Variants in SUCLG2 observed in about 807,000 individuals in gnomAD.
SUCLG2 encodes succinate--CoA ligase [GDP-forming] subunit beta, mitochondrial.
Under a neutral mutation model 47.9 loss-of-function variants are expected in SUCLG2, and 42 were observed. That is an observed-to-expected ratio of 0.88 (90% CI 0.69 to 1.14). SUCLG2 has a LOEUF of 1.14. Ranked by LOEUF, SUCLG2 falls within the 50% of genes most tolerant of loss-of-function variation. SUCLG2 has a pLI of 0.00. For synonymous variants in SUCLG2, 195 were observed against 197.3 expected (o/e 0.99, Z 0.10); for missense variants, 571 against 525.9 (o/e 1.09, Z -0.84).
chr3:67,626,646 T>G (rs1015085870), intron 1 of SUCLG2, among the ~76,000 whole-genome samples: 5 of 152,100 alleles, frequency 3.3e-5, no homozygotes, highest in East Asian at 1.9e-4. Context: ...CGGGTGCAGT[T>G]GCTCACGCCT....
At chr3:67,501,988 G>A (rs1705506232) in intron 7 of SUCLG2, among the ~76,000 whole-genome samples, 1 of 152,172 alleles carries the variant, frequency 6.6e-6, no homozygotes, top group Admixed American at 6.5e-5. Flanking sequence ...AGCCATTCTA[G>A]TAAATGATGG....
intron 9 of SUCLG2, among the ~76,000 whole-genome samples, chr3:67,410,643 A>C (rs2106835656): frequency 6.6e-6 from 1 of 152,302 alleles, no homozygotes; most frequent in Admixed American, 6.5e-5. Context: ...TCATGCAAAA[A>C]CTACCATAAT....
chr3:67,366,893 T>A (rs999382548), intron 10 of SUCLG2, among the ~76,000 whole-genome samples: 1 of 152,116 alleles, frequency 6.6e-6, no homozygotes, highest in Non-Finnish European at 1.5e-5. Context: ...TTCACCCCCA[T>A]GAAACACCTC....
intron 10 of SUCLG2, among the ~76,000 whole-genome samples, chr3:67,362,229 G>T (rs892568878): frequency 2.0e-5 from 3 of 152,148 alleles, no homozygotes; most frequent in African/African-American, 7.2e-5. Context: ...CTATTTAAGA[G>T]AACTTTTCAT....
At chr3:67,616,078 C>T (rs1028962973) in intron 1 of SUCLG2, among the ~76,000 whole-genome samples, 1 of 151,962 alleles carries the variant, frequency 6.6e-6, no homozygotes, top group Non-Finnish European at 1.5e-5. Flanking sequence ...ATGTGCAACC[C>T]TCCAGAGCCC....
chr3:67,649,240 T>C (rs887363400), intron 1 of SUCLG2, among the ~76,000 whole-genome samples: 6 of 152,212 alleles, frequency 3.9e-5, no homozygotes, highest in Non-Finnish European at 2.9e-5. Context: ...CACAGCTCAA[T>C]TGCAGTACCC....
chr3:67,463,457 T>C (rs1374075137), intron 9 of SUCLG2, among the ~76,000 whole-genome samples: 1 of 152,192 alleles, frequency 6.6e-6, no homozygotes, highest in Non-Finnish European at 1.5e-5. Context: ...CAGAGAATCA[T>C]TTTCTTTCAG....
At chr3:67,369,339 T>C (rs921488836) in intron 10 of SUCLG2, among the ~76,000 whole-genome samples, 1 of 152,214 alleles carries the variant, frequency 6.6e-6, no homozygotes, top group African/African-American at 2.4e-5. Flanking sequence ...GGCTTACCCC[T>C]CTTTCCTTTA....
intron 2 of SUCLG2, among the ~76,000 whole-genome samples, chr3:67,603,565 G>T (rs1318030975): frequency 6.6e-6 from 1 of 152,162 alleles, no homozygotes; most frequent in Non-Finnish European, 1.5e-5. Flanking sequence ...CATTAGGCCA[G>T]AGAAGATTAA....
chr3:67,416,078 C>T (rs989097714), intron 9 of SUCLG2, among the ~76,000 whole-genome samples: 1 of 152,144 alleles, frequency 6.6e-6, no homozygotes, highest in Non-Finnish European at 1.5e-5. Flanking sequence ...ATCCTCTAGC[C>T]CCAGTCAATC....
At chr3:67,596,853 C>A (rs1413677031) in intron 2 of SUCLG2, among the ~76,000 whole-genome samples, 1 of 152,186 alleles carries the variant, frequency 6.6e-6, no homozygotes, top group Admixed American at 6.5e-5. Context: ...CTGAGCAATA[C>A]TGATGTTTTT....
chr3:67,380,679 A>G (rs1702138295), intron 10 of SUCLG2, among the ~76,000 whole-genome samples: 1 of 125,948 alleles, frequency 7.9e-6, no homozygotes, highest in African/African-American at 2.9e-5. Flanking sequence ...CAGAAGGGGA[A>G]AGGGGGGTAG....
At chr3:67,437,181 G>A (rs531565891) in intron 9 of SUCLG2, among the ~76,000 whole-genome samples, 1 of 152,094 alleles carries the variant, frequency 6.6e-6, no homozygotes, top group Non-Finnish European at 1.5e-5. Flanking sequence ...CCCCAAGACT[G>A]AAGCTTCAGT....
chr3:67,570,879 T>C (rs1559577132), intron 2 of SUCLG2, among the ~76,000 whole-genome samples: 1 of 152,164 alleles, frequency 6.6e-6, no homozygotes, highest in African/African-American at 2.4e-5. Flanking sequence ...GAGCACTCAG[T>C]GAGTTTTGTG....
At chr3:67,447,959 C>T (rs911758641) in intron 9 of SUCLG2, among the ~76,000 whole-genome samples, 1 of 152,172 alleles carries the variant, frequency 6.6e-6, no homozygotes, top group Admixed American at 6.5e-5. Flanking sequence ...AAACTCCTGA[C>T]CTCAGGTGAT....
At chr3:67,561,226 C>T (rs981938104) in intron 2 of SUCLG2, among the ~76,000 whole-genome samples, 3 of 151,758 alleles carry the variant, frequency 2.0e-5, no homozygotes. Context: ...GTCAGAACTA[C>T]TGTAGCAAGC....
chr3:67,541,723 C>A (rs1488047921), intron 2 of SUCLG2, among the ~76,000 whole-genome samples: 1 of 152,058 alleles, frequency 6.6e-6, no homozygotes, highest in Non-Finnish European at 1.5e-5. Context: ...GTCAGATTCA[C>A]CAAGGTTGAA....
chr3:67,612,374 A>AAAAAAAAAAAT (rs5849770), intron 1 of SUCLG2, among the ~76,000 whole-genome samples: 2 of 148,350 alleles, frequency 1.3e-5, no homozygotes, highest in Non-Finnish European at 1.5e-5. Context: ...ACAAAAAAAA[A>AAAAAAAAAAAT]TGTGATACAT....
At chr3:67,434,673 G>C (rs1191114149) in intron 9 of SUCLG2, among the ~76,000 whole-genome samples, 1 of 152,200 alleles carries the variant, frequency 6.6e-6, no homozygotes, top group Non-Finnish European at 1.5e-5. Flanking sequence ...TACTGGTTGG[G>C]AGAAGGGTAG....
Sources: gnomAD v4.1 joint callset for allele counts (sites outside exome capture counted in the v4.1 genomes callset) on GRCh38, gnomAD v4.1.1 for gene constraint, MANE v1.5 for transcripts, NCBI Gene and HGNC (gene_info 2026-07-23, HGNC 2026-07-21) for gene names.